PITPNC1: variants seen among roughly 807,000 people sequenced by gnomAD.
PITPNC1 encodes the protein cytoplasmic phosphatidylinositol transfer protein 1.
A neutral mutation model predicts 44.7 loss-of-function variants in PITPNC1; 18 were observed. That is an observed-to-expected ratio of 0.40 (90% CI 0.28 to 0.60). The LOEUF is 0.60. Among genes scored for constraint, PITPNC1 ranks in the 20% least tolerant of loss-of-function variants. PITPNC1 has a pLI of 0.39. For missense variants in PITPNC1, 290 were observed against 418.4 expected, an observed-to-expected ratio of 0.69 and a Z score of 2.68; for synonymous variants, 141 against 149.6, an observed-to-expected ratio of 0.94 and a Z score of 0.42.
intron 1 of PITPNC1, among the ~76,000 whole-genome samples, chr17:67,436,908 G>GTT (rs1044625193): frequency 0.052 from 3,592 of 68,460 alleles, 773 homozygotes; most frequent in Non-Finnish European, 0.077. Context: ...AAATAGGGGT[G>GTT]TTTTTTTTTT....
At chr17:67,644,035 G>A (rs931817855) in intron 6 of PITPNC1, among the ~76,000 whole-genome samples, 1 of 152,180 alleles carries the variant, frequency 6.6e-6, no homozygotes, top group Non-Finnish European at 1.5e-5. Flanking sequence ...CGCCGGCTCA[G>A]CAAGATCCTG....
chr17:67,655,379 A>T (rs1206894261), intron 6 of PITPNC1, among the ~76,000 whole-genome samples: 1 of 151,820 alleles, frequency 6.6e-6, no homozygotes, highest in East Asian at 2.0e-4. Flanking sequence ...TAACACGGTG[A>T]AACCCCATCT....
chr17:67,584,117 A>G (rs1345134818), intron 5 of PITPNC1, among the ~76,000 whole-genome samples: 7 of 152,240 alleles, frequency 4.6e-5, no homozygotes, highest in Middle Eastern at 3.4e-3. Flanking sequence ...AAGAAATAGT[A>G]AGTGCTATTT....
At chr17:67,550,391 T>C (rs1203464815) in intron 2 of PITPNC1, among the ~76,000 whole-genome samples, 1 of 149,638 alleles carries the variant, frequency 6.7e-6, no homozygotes. Flanking sequence ...TCCATCTTTG[T>C]GTTTTCAAAA....
At chr17:67,497,314 A>G (rs1032732299) in intron 1 of PITPNC1, among the ~76,000 whole-genome samples, 3 of 150,228 alleles carry the variant, frequency 2.0e-5, no homozygotes, top group African/African-American at 7.4e-5. Flanking sequence ...CCGATTCCCC[A>G]GCCTCAGCCT....
chr17:67,679,121 A>G (rs929951853), intron 8 of PITPNC1, among the ~76,000 whole-genome samples: 4 of 152,244 alleles, frequency 2.6e-5, no homozygotes, highest in African/African-American at 9.6e-5. Context: ...AGCATGGGCT[A>G]TAAACCAGAC....
chr17:67,580,372 G>T lies in PITPNC1; in HGVS notation c.366+2115G>T, dbSNP rs554789807. ...ATTTTTTTTTTCTTTATAAGACAGG[G>T]TCTCGCTCTGTCACCCAGGCTGGAG... On this transcript the variant is annotated intron_variant, in intron 5 of 8. Transcript: ENST00000581322. 7.2e-5 allele frequency among the ~76,000 whole-genome samples: 11 copies of T among 152,122 alleles called. No individual in the cohort carries two copies. In the East Asian group the frequency reaches 2.1e-3, roughly 29 times the overall value.
chr17:67,483,892 C>G (rs2039737339), intron 1 of PITPNC1, among the ~76,000 whole-genome samples: 1 of 151,646 alleles, frequency 6.6e-6, no homozygotes, highest in Non-Finnish European at 1.5e-5. Context: ...AACCATTCTC[C>G]CTTCACCCTT....
At chr17:67,428,788 T>C (rs182893321) in intron 1 of PITPNC1, among the ~76,000 whole-genome samples, 75 of 152,006 alleles carry the variant, frequency 4.9e-4, no homozygotes, top group Admixed American at 2.4e-3. Flanking sequence ...CATTTATGTA[T>C]TTATAAACTT....
chr17:67,482,412 TAACAC>T (rs1156521650), intron 1 of PITPNC1, among the ~76,000 whole-genome samples: 7 of 152,190 alleles, frequency 4.6e-5, no homozygotes, highest in Non-Finnish European at 7.3e-5. Flanking sequence ...GGTAATCATA[TAACAC>T]ATTACCTCCT....
intron 1 of PITPNC1, among the ~76,000 whole-genome samples, chr17:67,449,555 C>A (rs1314486742): frequency 6.6e-6 from 1 of 152,028 alleles, no homozygotes; most frequent in African/African-American, 2.4e-5. Context: ...TGACAGATAG[C>A]AAAGAAAAAA....
chr17:67,391,642 G>A (rs760538070), intron 1 of PITPNC1, among the ~76,000 whole-genome samples: 2 of 151,932 alleles, frequency 1.3e-5, no homozygotes, highest in African/African-American at 2.4e-5. Flanking sequence ...CGCCACGCCC[G>A]GCTAATTTTT....
At chr17:67,475,365 A>G (rs2039611373) in intron 1 of PITPNC1, among the ~76,000 whole-genome samples, 1 of 152,128 alleles carries the variant, frequency 6.6e-6, no homozygotes, top group Non-Finnish European at 1.5e-5. Flanking sequence ...GCTGGGTACA[A>G]CATTGGTTTG....
At chr17:67,674,287 C>T (rs969211922) in intron 7 of PITPNC1, among the ~76,000 whole-genome samples, 1 of 151,980 alleles carries the variant, frequency 6.6e-6, no homozygotes, top group Non-Finnish European at 1.5e-5. Context: ...GTGAACTGCT[C>T]GAGGCCGGGA....
chr17:67,417,404 A>G (rs977380245), intron 1 of PITPNC1, among the ~76,000 whole-genome samples: 1 of 152,158 alleles, frequency 6.6e-6, no homozygotes, highest in Non-Finnish European at 1.5e-5. Context: ...TGCTGAGATT[A>G]CAGGTGTGAG....
At chr17:67,660,123 C>A (rs2144383841) in intron 6 of PITPNC1, among the ~76,000 whole-genome samples, 1 of 152,334 alleles carries the variant, frequency 6.6e-6, no homozygotes, top group African/African-American at 2.4e-5. Context: ...CTCAGGCAGT[C>A]CACCTGCCTA....
intron 1 of PITPNC1, among the ~76,000 whole-genome samples, chr17:67,407,531 G>T (rs2038418108): frequency 6.6e-6 from 1 of 152,106 alleles, no homozygotes; most frequent in Non-Finnish European, 1.5e-5. Context: ...AGGCCGACGT[G>T]GTGGCTCACG....
In PITPNC1 at chr17:67,692,647, C is replaced by A. The variant is rs1213617851; in HGVS notation, c.758C>A (p.Pro253Gln). Residue 253 changes from proline (P) to glutamine (Q), a missense_variant, in exon 9 of 9, where the codon CCA becomes CAA. Physicochemically the swap from Pro to Gln is moderately conservative, Grantham distance 76. Coordinates refer to ENST00000581322, the MANE Select transcript of PITPNC1 (RefSeq NM_012417.4). ...ACCAACAAGAAAATCGGCATTTTCC[C>A]ACCTGCAATTTCTATCTCCAGCATC... ...EATNKKIGIFPPAISISSIPL... is the reference protein window; with the variant it reads ...EATNKKIGIFQPAISISSIPL... The A allele has an allele frequency of 6.2e-7, 1 of 1,613,722 alleles. No homozygotes were observed. Among genetic ancestry groups the A allele is most frequent in the Non-Finnish European group, 8.5e-7 (1 of 1,179,698 alleles).
intron 1 of PITPNC1, among the ~76,000 whole-genome samples, chr17:67,410,583 G>C (rs1471960490): frequency 6.6e-6 from 1 of 151,672 alleles, no homozygotes; most frequent in South Asian, 2.1e-4. Flanking sequence ...ATGAAGTCTC[G>C]CTATGTTGCC....
Sources: allele counts gnomAD v4.1 joint callset (sites outside exome capture counted in the v4.1 genomes callset), GRCh38; gene constraint gnomAD v4.1.1; transcripts MANE v1.5; gene names NCBI Gene and HGNC (gene_info 2026-07-23, HGNC 2026-07-21).